TLL1: variants seen among roughly 807,000 people sequenced by gnomAD.
TLL1 encodes the protein tolloid like 1, also known as tolloid-like protein 1.
In TLL1, 49 loss-of-function variants were observed where a neutral mutation model predicts 128.2. The observed-to-expected ratio is 0.38, with a 90% CI of 0.30 to 0.48. The LOEUF is 0.48. Ranked by LOEUF, TLL1 falls within the 20% of genes least tolerant of loss-of-function variation. The pLI is 0.96. For synonymous variants in TLL1, 454 were observed against 418.8 expected, an observed-to-expected ratio of 1.08 and a Z score of -1.03; for missense variants, 1,123 against 1,242.0, an observed-to-expected ratio of 0.90 and a Z score of 1.44.
At chr4:165,990,359 T>C (rs1736579538) in intron 2 of TLL1, among the ~76,000 whole-genome samples, 1 of 152,018 alleles carries the variant, frequency 6.6e-6, no homozygotes, top group Non-Finnish European at 1.5e-5. Flanking sequence ...TCTCCTATTC[T>C]GTGGAAGTAC....
At chr4:165,985,421 A>G (rs1736352210) in intron 1 of TLL1, among the ~76,000 whole-genome samples, 1 of 151,968 alleles carries the variant, frequency 6.6e-6, no homozygotes. Flanking sequence ...TCCTGAGTGG[A>G]CAGAAAGACT....
At chr4:165,990,161 T>TCC (rs1308582964) in intron 2 of TLL1, among the ~76,000 whole-genome samples, 1 of 151,902 alleles carries the variant, frequency 6.6e-6, no homozygotes, top group African/African-American at 2.4e-5. Flanking sequence ...CATTTAACAA[T>TCC]TTTTTAAATT....
chr4:166,079,192 T>C (rs748572927), intron 18 of TLL1, among the ~76,000 whole-genome samples: 3 of 152,150 alleles, frequency 2.0e-5, no homozygotes, highest in Non-Finnish European at 4.4e-5. Flanking sequence ...TCCCTGAACC[T>C]TATGGTAGCT....
In TLL1 at chr4:166,096,659, C is replaced by A. The variant is rs559613259; in HGVS notation, c.2657-2618C>A. Among the ~76,000 whole-genome samples the A allele has an allele frequency of 3.9e-5, 6 of 152,188 alleles. No homozygotes were observed. In the South Asian group the frequency reaches 1.2e-3, roughly 32 times the overall value. On this transcript the variant is annotated intron_variant, in intron 19 of 20. Transcript: ENST00000061240. ...GATCTCCAGGTCCTCCCCTGCAGCTCTTCCTGGGCTGTGGAATAAAGTAAT... is the reference window on the plus strand; with the variant it reads ...GATCTCCAGGTCCTCCCCTGCAGCTATTCCTGGGCTGTGGAATAAAGTAAT...
At chr4:165,878,920 C>CTTTTTTTTTT (rs140447889) in intron 1 of TLL1, among the ~76,000 whole-genome samples, 1 of 60,460 alleles carries the variant, frequency 1.7e-5, no homozygotes, top group Non-Finnish European at 2.8e-5. Flanking sequence ...TGATGGCTTC[C>CTTTTTTTTTT]TTTTTTTTTT....
At chr4:165,955,714 A>C (rs1475728893) in intron 1 of TLL1, among the ~76,000 whole-genome samples, 1 of 152,196 alleles carries the variant, frequency 6.6e-6, no homozygotes, top group Non-Finnish European at 1.5e-5. Context: ...AGGAAAAATA[A>C]AATCTTTTCC....
intron 1 of TLL1, among the ~76,000 whole-genome samples, chr4:165,959,390 A>G: frequency 6.6e-6 from 1 of 152,104 alleles, no homozygotes; most frequent in Non-Finnish European, 1.5e-5. Context: ...TATTTCATTG[A>G]GCAGTGGTTT....
intron 1 of TLL1, among the ~76,000 whole-genome samples, chr4:165,962,349 G>C (rs1405981275): frequency 2.0e-5 from 3 of 152,142 alleles, no homozygotes; most frequent in Admixed American, 2.0e-4. Context: ...CATTAGAAAT[G>C]GGAAATCAAA....
intron 1 of TLL1, among the ~76,000 whole-genome samples, chr4:165,892,083 G>A (rs774756463): frequency 3.9e-5 from 6 of 152,224 alleles, no homozygotes; most frequent in Non-Finnish European, 5.9e-5. Context: ...GCGGCAGCAC[G>A]GAGAAGTGCA....
intron 14 of TLL1, among the ~76,000 whole-genome samples, chr4:166,059,255 A>T (rs1416222089): frequency 1.3e-5 from 2 of 152,102 alleles, no homozygotes; most frequent in Non-Finnish European, 2.9e-5. Flanking sequence ...AAAAGGGACC[A>T]GTTATTTTAG....
intron 16 of TLL1, among the ~76,000 whole-genome samples, chr4:166,074,574 A>T (rs1166637704): frequency 3.3e-5 from 5 of 152,082 alleles, no homozygotes; most frequent in Non-Finnish European, 5.9e-5. Flanking sequence ...TTGAAAAAAG[A>T]TCTATTGATT....
intron 19 of TLL1, among the ~76,000 whole-genome samples, chr4:166,095,487 A>G (rs1741977678): frequency 6.6e-6 from 1 of 152,100 alleles, no homozygotes; most frequent in East Asian, 1.9e-4. Flanking sequence ...CATGGAGAGA[A>G]AATAATTTTT....
At chr4:166,066,755 A>G (rs1219375873) in intron 16 of TLL1, among the ~76,000 whole-genome samples, 1 of 151,764 alleles carries the variant, frequency 6.6e-6, no homozygotes, top group African/African-American at 2.4e-5. Flanking sequence ...AGTCATACAG[A>G]AAAGAGCCTC....
chr4:166,007,775 T>G (rs79719174), intron 6 of TLL1, among the ~76,000 whole-genome samples, 168 bp from the exon 7 acceptor site: 2,037 of 151,782 alleles, frequency 0.013, 42 homozygotes, highest in African/African-American at 0.047. Context: ...AATATGATGG[T>G]AGAGTGAAGA....
At chr4:165,895,542 A>T (rs991601580) in intron 1 of TLL1, among the ~76,000 whole-genome samples, 14 of 150,826 alleles carry the variant, frequency 9.3e-5, no homozygotes, top group Middle Eastern at 3.4e-3. Context: ...CAATTGGAAG[A>T]CTCAATATTG....
chr4:165,910,208 C>G (rs1579474077), intron 1 of TLL1, among the ~76,000 whole-genome samples: 1 of 152,234 alleles, frequency 6.6e-6, no homozygotes, highest in Non-Finnish European at 1.5e-5. Flanking sequence ...GACTTTCTTA[C>G]AGGATGGATT....
chr4:165,911,211 T>A (rs1732512816), intron 1 of TLL1, among the ~76,000 whole-genome samples: 1 of 152,164 alleles, frequency 6.6e-6, no homozygotes, highest in Admixed American at 6.5e-5. Context: ...CTTCCCAGTC[T>A]CTGATAATTA....
intron 12 of TLL1, among the ~76,000 whole-genome samples, chr4:166,045,749 C>T (rs758102108): frequency 4.6e-5 from 7 of 152,134 alleles, no homozygotes; most frequent in Non-Finnish European, 8.8e-5. Flanking sequence ...CCCTCTTTCT[C>T]TTTCTCAGAA....
In TLL1 at chr4:165,897,637, T is replaced by C. The variant is rs187159186; in HGVS notation, c.169+23564T>C. 1.9e-4 allele frequency among the ~76,000 whole-genome samples: 29 copies of C among 150,742 alleles called. No individual in the cohort carries two copies. In the Admixed American group the frequency reaches 1.9e-3, roughly 10 times the overall value. ...TGTTTAGGTTACTGTAGCCTTATAGTATAGTTTGAAGTCAGGTAGTCCAGC... is the reference window on the plus strand; with the variant it reads ...TGTTTAGGTTACTGTAGCCTTATAGCATAGTTTGAAGTCAGGTAGTCCAGC... On this transcript the variant is annotated intron_variant, in intron 1 of 20. Coordinates refer to ENST00000061240, the MANE Select transcript of TLL1 (RefSeq NM_012464.5).
Sources: allele counts gnomAD v4.1 joint callset (sites outside exome capture counted in the v4.1 genomes callset), GRCh38; gene constraint gnomAD v4.1.1; transcripts MANE v1.5; gene names NCBI Gene and HGNC (gene_info 2026-07-23, HGNC 2026-07-21).